The following AOX1 variants were observed in gnomAD, a reference collection of about 807,000 sequenced individuals.
AOX1 encodes the protein aldehyde oxidase 1.
In AOX1, 153 loss-of-function variants were observed where a neutral mutation model predicts 169.5. The ratio of observed to expected loss-of-function variants is 0.90; its 90% confidence interval spans 0.79 to 1.03. AOX1 has a LOEUF of 1.03. Ranked by LOEUF, AOX1 falls within the 50% of genes least tolerant of loss-of-function variation. The pLI is 0.00. For missense variants in AOX1, 1,656 were observed against 1,663.9 expected (o/e 1.00, Z 0.08); for synonymous variants, 562 against 581.9 (o/e 0.97, Z 0.49).
intron 26 of AOX1, 111 bp downstream of exon 26, chr2:200,651,312 C>A: frequency 1.1e-6 from 1 of 909,794 alleles, no homozygotes; most frequent in Non-Finnish European, 1.7e-6. Context: ...TTGCAATGCC[C>A]AATTGTTAAA....
intron 3 of AOX1, among the ~76,000 whole-genome samples, chr2:200,597,176 C>T (rs2034300126): frequency 6.6e-6 from 1 of 152,146 alleles, no homozygotes; most frequent in South Asian, 2.1e-4. Flanking sequence ...TTTAATCCTG[C>T]CTCTGACACT....
chr2:200,608,537 C>T (rs1007714786), intron 10 of AOX1, among the ~76,000 whole-genome samples: 1 of 152,150 alleles, frequency 6.6e-6, no homozygotes, highest in South Asian at 2.1e-4. Flanking sequence ...TATTAGCTGT[C>T]AGATCTTAGG....
rs994850203 is a variant in AOX1 at position 200,625,563 on chromosome 2, T to C, written c.2124+1580T>C. On this transcript the variant is annotated intron_variant, in intron 19 of 34. Coordinates refer to ENST00000374700, the MANE Select transcript of AOX1 (RefSeq NM_001159.4). ...AGATTAAGCTCTCAAAGTCTAAAGATCATCAACTGGATCAGAGCAAATTTA... is the reference window on the plus strand; with the variant it reads ...AGATTAAGCTCTCAAAGTCTAAAGACCATCAACTGGATCAGAGCAAATTTA... Among the ~76,000 whole-genome samples the C allele has an allele frequency of 8.5e-5, 13 of 152,160 alleles. No individual in the cohort carries two copies. In the East Asian group the frequency reaches 2.3e-3, roughly 27 times the overall value.
intron 5 of AOX1, 65 bp from the exon 6 acceptor site, chr2:200,602,219 A>T: frequency 1.5e-6 from 2 of 1,355,782 alleles, no homozygotes; most frequent in Non-Finnish European, 2.1e-6. Context: ...TTTCCATCAC[A>T]CTCTTGGTAG....
intron 24 of AOX1, among the ~76,000 whole-genome samples, chr2:200,642,405 T>A (rs796469423): frequency 1.6e-4 from 24 of 152,228 alleles, no homozygotes; most frequent in African/African-American, 5.8e-4. Context: ...AAATAAAAAA[T>A]AATGCTCTCA....
rs1284006923 is a variant in AOX1, at chr2:200,613,811, A to G, written c.1456A>G (p.Asn486Asp). 1.2e-6 allele frequency: 2 copies of G among 1,612,000 alleles called. No homozygotes were observed. The highest frequency in any genetic ancestry group is 3.3e-5 in the Admixed American group (2 of 59,912). Residue 486 changes from asparagine (N) to aspartate (D), a missense_variant, in exon 15 of 35, where the codon AAC (asparagine) becomes GAC (aspartate). By Grantham distance (23) the Asn-to-Asp change is conservative (BLOSUM62 1). Transcript: ENST00000374700. ...SCQKLIGRHW[N>D]EQMLDIACRL... Reference sequence around the variant, plus strand: ...TCTCTTTGGACTTTCCAGGCACTGGAACGAACAGATGCTGGATATAGCCTG... The same window carrying G: ...TCTCTTTGGACTTTCCAGGCACTGGGACGAACAGATGCTGGATATAGCCTG...
intron 1 of AOX1, among the ~76,000 whole-genome samples, chr2:200,591,655 G>A (rs1220906806): frequency 2.0e-5 from 3 of 152,130 alleles, no homozygotes; most frequent in East Asian, 1.9e-4. Flanking sequence ...ATTCCATAGC[G>A]GTTTCATTTT....
chr2:200,605,827 G>T (rs969797010), intron 10 of AOX1, among the ~76,000 whole-genome samples, 199 bp downstream of exon 10: 1 of 152,054 alleles, frequency 6.6e-6, no homozygotes, highest in East Asian at 1.9e-4. Context: ...CCCATTTTTT[G>T]ATGGGGTTGC....
At chr2:200,621,323 C>A in intron 18 of AOX1, 77 bp downstream of exon 18, 1 of 1,503,888 alleles carries the variant, frequency 6.6e-7, no homozygotes, top group Non-Finnish European at 9.0e-7. Flanking sequence ...AAGATACCAT[C>A]TACTTTGGCA....
In AOX1 at chr2:200,586,099, G is replaced by A. The variant is rs1474453559; in HGVS notation, c.-10G>A. 1.3e-6 allele frequency: 2 copies of A among 1,555,702 alleles called. No homozygotes were observed. The highest frequency in any genetic ancestry group is 1.7e-6 in the Non-Finnish European group (2 of 1,150,844). ...CCGCTCCGGGCCCTCGAACCAGCGC[G>A]GACACCACAATGGACCGGGCGTCCG... On this transcript the variant is annotated 5_prime_UTR_variant, in exon 1 of 35. Transcript: ENST00000374700.
At chr2:200,591,605 T>G (rs1403462526) in intron 1 of AOX1, among the ~76,000 whole-genome samples, 1 of 152,226 alleles carries the variant, frequency 6.6e-6, no homozygotes, top group East Asian at 1.9e-4. Context: ...TGTACTCATT[T>G]AAAAAGCACA....
chr2:200,605,951 A>G (rs2034506638), intron 10 of AOX1, among the ~76,000 whole-genome samples: 1 of 152,120 alleles, frequency 6.6e-6, no homozygotes, highest in African/African-American at 2.4e-5. Context: ...TCACTCTGAC[A>G]CTAATTTCTT....
At chr2:200,663,750 G>C (rs527798972) in intron 31 of AOX1, among the ~76,000 whole-genome samples, 1 of 152,204 alleles carries the variant, frequency 6.6e-6, no homozygotes, top group Admixed American at 6.5e-5. Flanking sequence ...CCTAACAACT[G>C]TCATGTGACC....
At chr2:200,634,164 A>AT (rs58341876) in intron 20 of AOX1, among the ~76,000 whole-genome samples, 7,416 of 84,736 alleles carry the variant, frequency 0.088, 574 homozygotes, top group East Asian at 0.26. Context: ...TTTCTTGAGG[A>AT]TTTTTTTTTT....
At position 200,637,030 on chromosome 2, in the gene AOX1, A is replaced by G. The variant is rs1421367938; in HGVS notation, c.2466A>G (p.Ala822=). The G allele has an allele frequency of 7.4e-6, 12 of 1,613,948 alleles. No homozygotes were observed. The highest frequency in any genetic ancestry group is 1.3e-5 in the African/African-American group (1 of 74,942). The part of the protein sequence containing the change: ...LKTGIIAAVT[A]FAANKHGRAV... Reference sequence around the variant, plus strand: ...CCGGAATCATTGCAGCCGTCACTGCATTTGCCGCAAACAAGTAAGTGGAGA... The same window carrying G: ...CCGGAATCATTGCAGCCGTCACTGCGTTTGCCGCAAACAAGTAAGTGGAGA... Residue 822 remains alanine (A), a synonymous_variant, in exon 22 of 35, where the codon GCA becomes GCG. Coordinates refer to ENST00000374700, the MANE Select transcript of AOX1 (RefSeq NM_001159.4).
At chr2:200,658,960 A>G (rs985502658) in intron 27 of AOX1, among the ~76,000 whole-genome samples, 10 of 152,194 alleles carry the variant, frequency 6.6e-5, no homozygotes, top group African/African-American at 2.4e-4. Flanking sequence ...TCAAAGAAAA[A>G]GAAAGTGTGT....
chr2:200,605,558 C>CGTCTTTCA lies in AOX1; in HGVS notation c.838_845dup (p.His282GlnfsTer7). 2 of 1,541,150 alleles carry CGTCTTTCA rather than the reference C, an allele frequency of 1.3e-6. No homozygotes were observed. The highest frequency in any genetic ancestry group is 1.7e-6 in the Non-Finnish European group (2 of 1,144,636). ...TAGGGCCTGAAGTGAAATTTAAAGG[C>CGTCTTTCA]GTCTTTCACCCAGTTATAATTTCTC... On this transcript the variant is annotated frameshift_variant, in exon 10 of 35. Transcript: ENST00000374700. LOFTEE classifies it high-confidence loss of function.
downstream of AOX1, among the ~76,000 whole-genome samples, chr2:200,673,905 C>A (rs1208063411): frequency 6.6e-6 from 1 of 152,166 alleles, no homozygotes; most frequent in East Asian, 1.9e-4. Flanking sequence ...TCACTTTTAC[C>A]CCTCCTTGGG....
intron 27 of AOX1, among the ~76,000 whole-genome samples, chr2:200,657,191 T>TATATATATATATATATATATA (rs1491522418): frequency 5.7e-4 from 26 of 45,458 alleles, no homozygotes; most frequent in Non-Finnish European, 9.8e-4. Context: ...TATATATATA[T>TATATATATATATATATATATA]TTTTTTTTTT....
Sources: allele counts gnomAD v4.1 joint callset (sites outside exome capture counted in the v4.1 genomes callset), GRCh38; gene constraint gnomAD v4.1.1; transcripts MANE v1.5; gene names NCBI Gene and HGNC (gene_info 2026-07-23, HGNC 2026-07-21).